Variants in ST7 observed in about 807,000 individuals in gnomAD.
ST7 encodes suppression of tumorigenicity 7.
In ST7, 28 loss-of-function variants were observed where a neutral mutation model predicts 78.7. The observed-to-expected ratio is 0.36, with a 90% confidence interval of 0.26 to 0.49. The LOEUF (loss-of-function observed/expected upper bound fraction) is 0.49. Among genes scored for constraint, ST7 ranks in the 20% least tolerant of loss-of-function variants. The pLI is 0.99. For synonymous variants in ST7, 247 were observed against 249.6 expected (o/e 0.99, Z 0.10); for missense variants, 418 against 696.0 (o/e 0.60, Z 4.49).
At chr7:117,149,674 GT>G (rs1312842008) in intron 9 of ST7, among the ~76,000 whole-genome samples, 2 of 144,636 alleles carry the variant, frequency 1.4e-5, no homozygotes, top group Non-Finnish European at 3.0e-5. Context: ...GATAGCTGTG[GT>G]TTTTTTGTTT....
intron 1 of ST7, among the ~76,000 whole-genome samples, chr7:117,012,286 T>A: frequency 6.6e-6 from 1 of 150,704 alleles, no homozygotes; most frequent in African/African-American, 2.4e-5. Context: ...TTTTGAAATT[T>A]TTTTTTTTTT....
At chr7:117,162,887 A>C (rs1281967013) in intron 9 of ST7, among the ~76,000 whole-genome samples, 1 of 152,036 alleles carries the variant, frequency 6.6e-6, no homozygotes, top group African/African-American at 2.4e-5. Context: ...GTTGAGCTAT[A>C]ATTTTGTATC....
intron 15 of ST7, chr7:117,223,598 A>T (rs139586457): frequency 6.5e-6 from 1 of 152,946 alleles, no homozygotes; most frequent in Non-Finnish European, 1.5e-5. Flanking sequence ...CTGTGCGTGG[A>T]ATGCCCTTCA....
rs1179030981 is a variant in ST7, at chr7:117,228,779, A to G, written c.1639-983A>G. Among the ~76,000 whole-genome samples the G allele has an allele frequency of 2.0e-5, 3 of 152,292 alleles. No homozygotes were observed. The East Asian group carries it at 5.8e-4, about 29-fold the overall frequency. On this transcript the variant is annotated intron_variant, in intron 15 of 15. Coordinates refer to ENST00000323984, the MANE Select transcript of ST7 (RefSeq NM_001369598.1). The stretch of plus-strand genomic sequence containing the variant: ...ACACACACTGCACTACACTTCTATG[A>G]GAAATTCTTGGTAGTGTAGATGGTG...
At chr7:117,129,644 C>T (rs1804168997) in intron 3 of ST7, 149 bp from the exon 4 acceptor site, 3 of 676,442 alleles carry the variant, frequency 4.4e-6, no homozygotes, top group Non-Finnish European at 5.1e-6. Context: ...TGTGATTAAC[C>T]ACCCAGAGTT....
chr7:117,164,554 T>G (rs1181367073), intron 9 of ST7, among the ~76,000 whole-genome samples: 2 of 152,098 alleles, frequency 1.3e-5, no homozygotes, highest in Non-Finnish European at 2.9e-5. Context: ...TTGTGCAAAT[T>G]CACACAGGTA....
chr7:117,069,941 C>T (rs1407048227), intron 1 of ST7, among the ~76,000 whole-genome samples: 1 of 152,220 alleles, frequency 6.6e-6, no homozygotes, highest in African/African-American at 2.4e-5. Context: ...TTGCACTTTA[C>T]CCTGCAATAT....
chr7:117,198,475 G>A lies in ST7; in HGVS notation c.1254+7539G>A, dbSNP rs184154748. The stretch of plus-strand genomic sequence containing the variant: ...GTCCCTTCAGGCCTCCAGATTTGAG[G>A]GGAGGCTCTAGCATGTTCTGGCTGC... On this transcript the variant is annotated intron_variant, in intron 12 of 15. Coordinates refer to ENST00000323984, the MANE Select transcript of ST7 (RefSeq NM_001369598.1). The A allele has an allele frequency of 1.0e-4, 34 of 329,530 alleles. No homozygotes were observed. In the Admixed American group the frequency reaches 1.1e-3, roughly 11 times the overall value. The allele number at this position is 329,530 out of a possible 1,614,324, so 20.4% of individuals were successfully genotyped here.
chr7:116,967,564 A>C, intron 1 of ST7: 1 of 358,940 alleles, frequency 2.8e-6, no homozygotes. Context: ...TGCGATAAAA[A>C]ATGATGGCGC....
chr7:117,127,589 CACTT>C (rs1243715319), intron 3 of ST7, among the ~76,000 whole-genome samples: 4 of 151,908 alleles, frequency 2.6e-5, no homozygotes, highest in East Asian at 1.9e-4. Context: ...GTTTTATTCT[CACTT>C]AGAACAGTTT....
chr7:116,963,040 G>GTT (rs1237159786), intron 1 of ST7, among the ~76,000 whole-genome samples: 5 of 152,178 alleles, frequency 3.3e-5, no homozygotes, highest in Non-Finnish European at 7.3e-5. Flanking sequence ...ATTATAGTAG[G>GTT]TCTTTTCCTC....
At chr7:117,161,695 G>A (rs775262137) in intron 9 of ST7, among the ~76,000 whole-genome samples, 12 of 151,098 alleles carry the variant, frequency 7.9e-5, no homozygotes, top group Admixed American at 4.0e-4. Flanking sequence ...TGTCTCCTGG[G>A]TTTAAGCGAT....
In ST7 at chr7:116,961,395, A is replaced by G. The variant is rs143626082; in HGVS notation, c.151+7704A>G. On this transcript the variant is annotated intron_variant, in intron 1 of 15. Coordinates refer to ENST00000323984, the MANE Select transcript of ST7 (RefSeq NM_001369598.1). ...AATAGGAATATCATTGAAATTGTAA[A>G]TTGCTTTGGGCAGTATGGGCATTTT... Among the ~76,000 whole-genome samples the G allele has an allele frequency of 9.1e-4, 139 of 152,230 alleles. No individual in the cohort carries two copies. The East Asian group carries it at 0.024, about 26-fold the overall frequency.
chr7:117,097,908 A>ATATATATATATATATATAT, intron 1 of ST7, among the ~76,000 whole-genome samples: 3 of 30,012 alleles, frequency 1.0e-4, no homozygotes, highest in Admixed American at 5.5e-4. Context: ...ATATATATAT[A>ATATATATATATATATATAT]TTTTTTTTTT....
At chr7:117,152,038 G>A (rs987217545) in intron 9 of ST7, among the ~76,000 whole-genome samples, 3 of 150,982 alleles carry the variant, frequency 2.0e-5, no homozygotes, top group South Asian at 2.1e-4. Context: ...AGAATCGCTT[G>A]AACCGGGGAG....
chr7:116,984,390 G>T (rs1224305751), intron 1 of ST7, among the ~76,000 whole-genome samples: 3 of 152,168 alleles, frequency 2.0e-5, no homozygotes, highest in African/African-American at 7.2e-5. Flanking sequence ...CAGCAGTCTG[G>T]TTAATCCTAA....
intron 9 of ST7, among the ~76,000 whole-genome samples, chr7:117,149,940 TTTC>T (rs1806121514): frequency 6.6e-6 from 1 of 152,148 alleles, no homozygotes; most frequent in African/African-American, 2.4e-5. Context: ...TGGATCTTTT[TTTC>T]TGTGGTGGTT....
chr7:117,008,632 G>A (rs943241823), intron 1 of ST7, among the ~76,000 whole-genome samples: 1 of 152,186 alleles, frequency 6.6e-6, no homozygotes, highest in African/African-American at 2.4e-5. Flanking sequence ...ATGAGGTATT[G>A]TTCATAGTAT....
chr7:116,990,292 G>A (rs1794368407), intron 1 of ST7, among the ~76,000 whole-genome samples: 1 of 152,126 alleles, frequency 6.6e-6, no homozygotes, highest in Non-Finnish European at 1.5e-5. Flanking sequence ...GAGTAAAAAT[G>A]AGTAATTTCT....
Sources: allele counts gnomAD v4.1 joint callset (sites outside exome capture counted in the v4.1 genomes callset), GRCh38; gene constraint gnomAD v4.1.1; transcripts MANE v1.5; gene names NCBI Gene and HGNC (gene_info 2026-07-23, HGNC 2026-07-21).